The following R3HCC1L variants were observed in gnomAD, a reference collection of about 807,000 sequenced individuals.
R3HCC1L encodes coiled-coil domain-containing protein R3HCC1L.
A neutral mutation model predicts 59.9 loss-of-function variants in R3HCC1L; 51 were observed. That is an observed-to-expected ratio of 0.85 (90% CI 0.68 to 1.07). The LOEUF is 1.07. Ranked by LOEUF, R3HCC1L falls within the 50% of genes least tolerant of loss-of-function variation. The probability of loss-of-function intolerance (pLI) is 0.00; values close to 1 mark genes in which losing one functional copy is unlikely to be tolerated. For missense variants in R3HCC1L, 965 were observed against 933.0 expected (o/e 1.03, Z -0.45); for synonymous variants, 322 against 315.2 (o/e 1.02, Z -0.23).
chr10:98,189,294 T>C (rs1034653586), intron 4 of R3HCC1L, among the ~76,000 whole-genome samples: 1 of 152,114 alleles, frequency 6.6e-6, no homozygotes, highest in Non-Finnish European at 1.5e-5. Flanking sequence ...GTGCATTGCA[T>C]ATGGGGTGAG....
At chr10:98,165,825 G>A (rs1220055521) in intron 4 of R3HCC1L, among the ~76,000 whole-genome samples, 1 of 152,222 alleles carries the variant, frequency 6.6e-6, no homozygotes, top group Non-Finnish European at 1.5e-5. Flanking sequence ...CCTTTGGGAT[G>A]TAATTTAGTC....
At chr10:98,160,177 C>T (rs1271372298) in intron 2 of R3HCC1L, among the ~76,000 whole-genome samples, 1 of 152,178 alleles carries the variant, frequency 6.6e-6, no homozygotes, top group Non-Finnish European at 1.5e-5. Context: ...TTAACTCATA[C>T]CACCACTTAA....
At chr10:98,226,552 G>A (rs549656006) in intron 5 of R3HCC1L, among the ~76,000 whole-genome samples, 12 of 152,306 alleles carry the variant, frequency 7.9e-5, no homozygotes, top group Admixed American at 7.8e-4. Context: ...AAATTGACAA[G>A]CAGATCCTCA....
At position 98,208,218 on chromosome 10, in the gene R3HCC1L, A is replaced by G. The variant is rs757833466; in HGVS notation, c.104A>G (p.Asp35Gly). 3.1e-6 allele frequency: 5 copies of G among 1,614,002 alleles called. No homozygotes were observed. The Admixed American group carries it at 6.7e-5, about 22-fold the overall frequency. The change falls in exon 5 of 10, where the codon GAT (aspartate) becomes GGT (glycine). Residue 35 changes from aspartate to glycine, a missense_variant. Transcript: ENST00000298999. ...GGTGCAGTACTCCTTAAGACAGGTG[A>G]TGAAGAAGAAAGCTGTGGTTCACCT... is the stretch of plus-strand genomic sequence containing the variant. ...RRGAVLLKTG[D>G]EEESCGSPNS...
chr10:98,214,043 C>A (rs1359509), intron 5 of R3HCC1L, among the ~76,000 whole-genome samples: 27,871 of 152,104 alleles, frequency 0.18, 2,700 homozygotes, highest in Non-Finnish European at 0.21. Context: ...AAGTAGATTC[C>A]ATCACTCATA....
At chr10:98,151,227 T>C (rs1846129034) in intron 1 of R3HCC1L, among the ~76,000 whole-genome samples, 1 of 152,210 alleles carries the variant, frequency 6.6e-6, no homozygotes, top group African/African-American at 2.4e-5. Context: ...ACTGGAAGAA[T>C]GTGTGATAGT....
At position 98,216,280 on chromosome 10, in the gene R3HCC1L, G is replaced by A. The variant is rs186338011; in HGVS notation, c.1785+6381G>A. Among the ~76,000 whole-genome samples the A allele has an allele frequency of 3.3e-5, 5 of 152,198 alleles. No homozygotes were observed. In the East Asian group the frequency reaches 7.8e-4, roughly 24 times the overall value. On this transcript the variant is annotated intron_variant, in intron 5 of 9. Transcript: ENST00000298999. Reference sequence around the variant, plus strand: ...TGTAATCCCAGCACTTTGTGAGGCCGAGGCAGGTGGATCGCTTGAGTGCAG... The same window carrying A: ...TGTAATCCCAGCACTTTGTGAGGCCAAGGCAGGTGGATCGCTTGAGTGCAG...
At chr10:98,239,015 GA>G (rs1172084677) in intron 9 of R3HCC1L, among the ~76,000 whole-genome samples, 1 of 152,182 alleles carries the variant, frequency 6.6e-6, no homozygotes, top group African/African-American at 2.4e-5. Context: ...GGCTCTAATA[GA>G]GCTTTTGCCA....
At chr10:98,158,929 C>T (rs544747133) in intron 2 of R3HCC1L, among the ~76,000 whole-genome samples, 2 of 151,808 alleles carry the variant, frequency 1.3e-5, no homozygotes, top group South Asian at 2.1e-4. Context: ...GCCTGAGCCT[C>T]CTGAGTAGCT....
intron 4 of R3HCC1L, among the ~76,000 whole-genome samples, chr10:98,180,817 G>A (rs929982869): frequency 2.0e-5 from 3 of 152,048 alleles, no homozygotes; most frequent in Non-Finnish European, 2.9e-5. Flanking sequence ...GGCCTTCTTT[G>A]TCTCTTTTGA....
At chr10:98,154,556 G>A (rs910381638) in intron 1 of R3HCC1L, among the ~76,000 whole-genome samples, 2 of 152,126 alleles carry the variant, frequency 1.3e-5, no homozygotes, top group East Asian at 1.9e-4. Context: ...AGGGAGTTCC[G>A]TGTATACTAC....
intron 1 of R3HCC1L, among the ~76,000 whole-genome samples, chr10:98,152,378 G>A (rs1172652270): frequency 6.6e-6 from 1 of 151,546 alleles, no homozygotes; most frequent in Admixed American, 6.6e-5. Context: ...CCGCCACCCC[G>A]TCTGGGAAGT....
At chr10:98,220,461 T>C (rs1854773072) in intron 5 of R3HCC1L, among the ~76,000 whole-genome samples, 1 of 150,330 alleles carries the variant, frequency 6.7e-6, no homozygotes, top group South Asian at 2.1e-4. Context: ...TGTATACATA[T>C]GCCATGCTGG....
chr10:98,223,858 T>C (rs374148771), intron 5 of R3HCC1L, among the ~76,000 whole-genome samples: 4 of 152,248 alleles, frequency 2.6e-5, no homozygotes, highest in East Asian at 3.9e-4. Context: ...GGCATTTTAC[T>C]TGGGTGTCAG....
intron 1 of R3HCC1L, among the ~76,000 whole-genome samples, chr10:98,139,721 T>G (rs1564976737): frequency 6.6e-6 from 1 of 152,208 alleles, no homozygotes; most frequent in Non-Finnish European, 1.5e-5. Context: ...TTTCTCTTAA[T>G]AAAACATGGA....
chr10:98,242,755 A>G (rs1263224056), intron 9 of R3HCC1L, among the ~76,000 whole-genome samples: 1 of 152,328 alleles, frequency 6.6e-6, no homozygotes, highest in African/African-American at 2.4e-5. Context: ...GTAGAACCAG[A>G]TTTTGATTGC....
At chr10:98,212,127 C>A (rs1214118161) in intron 5 of R3HCC1L, among the ~76,000 whole-genome samples, 1 of 152,086 alleles carries the variant, frequency 6.6e-6, no homozygotes, top group African/African-American at 2.4e-5. Context: ...ATGCAAGTAG[C>A]AGATCCAACT....
intron 5 of R3HCC1L, among the ~76,000 whole-genome samples, chr10:98,229,734 T>G (rs1051217451): frequency 6.6e-6 from 1 of 152,216 alleles, no homozygotes; most frequent in Non-Finnish European, 1.5e-5. Context: ...AAATGGCTCT[T>G]ATTATTTTGA....
chr10:98,155,010 T>C (rs1042498071), intron 1 of R3HCC1L, among the ~76,000 whole-genome samples: 3 of 152,224 alleles, frequency 2.0e-5, no homozygotes, highest in African/African-American at 7.2e-5. Flanking sequence ...CAAAATTATT[T>C]CATGTGACAA....
Sources: allele counts gnomAD v4.1 joint callset (sites outside exome capture counted in the v4.1 genomes callset), GRCh38; gene constraint gnomAD v4.1.1; transcripts MANE v1.5; gene names NCBI Gene and HGNC (gene_info 2026-07-23, HGNC 2026-07-21).